GRAMD1B: variants seen among roughly 807,000 people sequenced by gnomAD.
GRAMD1B encodes GRAM domain containing 1B, also known as protein Aster-B.
In GRAMD1B, 37 loss-of-function variants were observed where a neutral mutation model predicts 99.7. The ratio of observed to expected loss-of-function variants is 0.37; its 90% CI spans 0.29 to 0.49. The LOEUF (loss-of-function observed/expected upper bound fraction) is 0.49, where lower values mean the gene tolerates loss of function less well. Ranked by LOEUF, GRAMD1B falls within the 20% of genes least tolerant of loss-of-function variation. The pLI, the probability that GRAMD1B is intolerant of heterozygous loss-of-function variation, is 0.98. For synonymous variants in GRAMD1B, 427 were observed against 387.6 expected, an observed-to-expected ratio of 1.10 and a Z score of -1.19; for missense variants, 888 against 1,009.2, an observed-to-expected ratio of 0.88 and a Z score of 1.63.
At position 123,624,266 on chromosome 11, in the gene GRAMD1B, T is replaced by C. The variant is rs1308213718; in HGVS notation, c.*1671T>C. 1 of 152,202 alleles carries C rather than the reference T, an allele frequency of 6.6e-6. No individual in the cohort carries two copies. Among genetic ancestry groups the C allele is most frequent in the Non-Finnish European group, 1.5e-5 (1 of 68,038 alleles). The allele number at this position is 152,202 out of a possible 1,614,324, so 9.4% of individuals were successfully genotyped here. The stretch of plus-strand genomic sequence containing the variant: ...CCCAAAAGACAGAAGATTTTATCAC[T>C]CATCTACCCCAAAGATAAAGTTGTA... On this transcript the variant is annotated 3_prime_UTR_variant, in exon 20 of 20. Transcript: ENST00000635736.
intron 1 of GRAMD1B, chr11:123,435,352 A>T: frequency 1.4e-6 from 1 of 691,912 alleles, no homozygotes; most frequent in South Asian, 1.5e-5. Flanking sequence ...TAGCTTGTGG[A>T]TTTCTTTTAA....
At chr11:123,397,796 A>C (rs1947519245) in intron 1 of GRAMD1B, among the ~76,000 whole-genome samples, 1 of 152,236 alleles carries the variant, frequency 6.6e-6, no homozygotes, top group Admixed American at 6.5e-5. Context: ...GGTGTGAGCC[A>C]CCACACCCAA....
rs781626323 is a variant in GRAMD1B at position 123,613,606 on chromosome 11, G to A, written c.2175G>A (p.Pro725=). 2.2e-5 allele frequency: 36 copies of A among 1,613,728 alleles called. No homozygotes were observed. The highest frequency in any genetic ancestry group is 6.7e-5 in the East Asian group (3 of 44,888). ...RVPHLEEVMS[P]VTTPTDEDVG... The stretch of plus-strand genomic sequence containing the variant: ...CTCACCTGGAAGAGGTGATGAGCCC[G>A]GTCACCACGCCCACAGATGAGGATG... The change falls in exon 16 of 20, where the codon CCG becomes CCA. Residue 725 remains proline (P), a synonymous_variant. Transcript: ENST00000635736.
At chr11:123,503,552 C>CTTT (rs56215248) in intron 2 of GRAMD1B, among the ~76,000 whole-genome samples, 1 of 146,548 alleles carries the variant, frequency 6.8e-6, no homozygotes. Context: ...TAAATTTCAC[C>CTTT]TTTTTTTTTT....
rs932370177 is a variant in GRAMD1B, at chr11:123,480,846, C to T, written c.405C>T (p.His135=). 5.0e-6 allele frequency: 2 copies of T among 397,854 alleles called. No individual in the cohort carries two copies. Among genetic ancestry groups the T allele is most frequent in the Non-Finnish European group, 4.4e-6 (1 of 226,160 alleles). The allele number at this position is 397,854 out of a possible 1,614,324, so 24.6% of individuals were successfully genotyped here. Residue 135 remains histidine (H), a synonymous_variant, in exon 2 of 20, where the codon CAC becomes CAT. Transcript: ENST00000635736. ...SSQQSSQQSS[H]DDDSSRFLSP... The stretch of plus-strand genomic sequence containing the variant: ...AACAGAGCAGTCAGCAGAGCAGCCA[C>T]GATGATGATTCTAGCAGGTTCCTGA...
intron 1 of GRAMD1B, among the ~76,000 whole-genome samples, chr11:123,466,394 AAAAG>A (rs753913279): frequency 1.3e-3 from 201 of 151,646 alleles, no homozygotes; most frequent in African/African-American, 4.4e-3. Flanking sequence ...GAAAGAAAGA[AAAAG>A]AAAGAAAGGA....
chr11:123,589,218 A>C (rs1950372094), intron 4 of GRAMD1B, among the ~76,000 whole-genome samples: 1 of 151,828 alleles, frequency 6.6e-6, no homozygotes, highest in African/African-American at 2.4e-5. Flanking sequence ...CGGCAAGTGC[A>C]GTAGAAGATA....
chr11:123,419,755 A>AAGAGAG (rs1948364586), intron 1 of GRAMD1B, among the ~76,000 whole-genome samples: 2 of 101,446 alleles, frequency 2.0e-5, no homozygotes, highest in Non-Finnish European at 4.3e-5. Context: ...GTGAATGAGA[A>AAGAGAG]AGAGAAAGAG....
intron 2 of GRAMD1B, among the ~76,000 whole-genome samples, chr11:123,562,120 G>A (rs537358004): frequency 6.2e-4 from 94 of 152,270 alleles, no homozygotes; most frequent in African/African-American, 2.1e-3. Flanking sequence ...GATCTGAGGT[G>A]GGAGGATCGC....
chr11:123,612,930 C>A, intron 15 of GRAMD1B, 66 bp downstream of exon 15: 1 of 860,442 alleles, frequency 1.2e-6, no homozygotes, highest in Non-Finnish European at 1.9e-6. Flanking sequence ...CGGCCGCCCA[C>A]CATTCAGGGG....
At chr11:123,579,316 C>A (rs1006735855) in intron 3 of GRAMD1B, among the ~76,000 whole-genome samples, 5 of 152,210 alleles carry the variant, frequency 3.3e-5, no homozygotes, top group African/African-American at 4.8e-5. Context: ...CAAGTCTCTC[C>A]GTGCTTTGGG....
intron 1 of GRAMD1B, among the ~76,000 whole-genome samples, chr11:123,452,538 C>G (rs577687619): frequency 3.7e-4 from 56 of 152,028 alleles, no homozygotes; most frequent in Non-Finnish European, 5.3e-4. Flanking sequence ...TTCAGCTACT[C>G]GGGAGTCTGA....
chr11:123,388,502 G>A (rs773940457), intron 1 of GRAMD1B, among the ~76,000 whole-genome samples: 1 of 151,888 alleles, frequency 6.6e-6, no homozygotes, highest in African/African-American at 2.4e-5. Context: ...GCAAGACCCC[G>A]TCTCTACAAA....
rs949688158 is a variant in GRAMD1B, at chr11:123,577,666, G to A, written c.663+89G>A. On this transcript the variant is annotated intron_variant, in intron 3 of 19. Transcript: ENST00000635736. ...GGTGAGCCGGAGAACATCTGCGAGG[G>A]TCCTCACGTGATGAACAGCCCTGAT... is the stretch of plus-strand genomic sequence containing the variant. 6 of 966,924 alleles carry A rather than the reference G, an allele frequency of 6.2e-6. No homozygotes were observed. The African/African-American group carries it at 8.0e-5, about 13-fold the overall frequency. The allele number at this position is 966,924 out of a possible 1,614,324, so 59.9% of individuals were successfully genotyped here. A position where few individuals can be genotyped will look rare whatever the true frequency, so the allele number is the denominator to read the frequency against.
intron 1 of GRAMD1B, among the ~76,000 whole-genome samples, chr11:123,471,512 A>C (rs1046181817): frequency 6.6e-6 from 1 of 152,264 alleles, no homozygotes; most frequent in Admixed American, 6.5e-5. Flanking sequence ...AAAGTAGGAC[A>C]AAACGCAAGA....
chr11:123,375,379 C>T (rs1946657819), intron 1 of GRAMD1B, among the ~76,000 whole-genome samples: 3 of 151,906 alleles, frequency 2.0e-5, no homozygotes, highest in African/African-American at 4.8e-5. Flanking sequence ...GGCAACATAG[C>T]AACATCTGGT....
chr11:123,427,596 T>C (rs1948700094), upstream of GRAMD1B, among the ~76,000 whole-genome samples: 4 of 152,192 alleles, frequency 2.6e-5, no homozygotes, highest in Admixed American at 2.6e-4. Context: ...TTATCTTACT[T>C]GCCAGAGCCA....
chr11:123,614,381 T>A (rs967502048), intron 16 of GRAMD1B, among the ~76,000 whole-genome samples: 5 of 152,206 alleles, frequency 3.3e-5, no homozygotes, highest in Non-Finnish European at 7.3e-5. Flanking sequence ...TGACTTGTCC[T>A]CCATCATGTA....
chr11:123,569,289 C>T (rs1947790595), intron 2 of GRAMD1B, among the ~76,000 whole-genome samples: 1 of 152,122 alleles, frequency 6.6e-6, no homozygotes, highest in Non-Finnish European at 1.5e-5. Flanking sequence ...AGGAGTGAAG[C>T]AAGCCTTACC....
Sources: allele counts gnomAD v4.1 joint callset (sites outside exome capture counted in the v4.1 genomes callset), GRCh38; gene constraint gnomAD v4.1.1; transcripts MANE v1.5; gene names NCBI Gene and HGNC (gene_info 2026-07-23, HGNC 2026-07-21).